Variants in NSD1 observed in about 807,000 individuals in gnomAD.
NSD1 encodes the protein histone-lysine N-methyltransferase, H3 lysine-36 specific.
NSD1 carries 26 observed loss-of-function variants against 242.7 expected under a neutral mutation model. That is an observed-to-expected ratio of 0.11 (90% CI 0.08 to 0.15). The LOEUF (loss-of-function observed/expected upper bound fraction) is 0.15. Ranked by LOEUF, NSD1 falls within the 10% of genes least tolerant of loss-of-function variation. The probability of loss-of-function intolerance (pLI) is 1.00; values close to 1 mark genes in which losing one functional copy is unlikely to be tolerated. For synonymous variants in NSD1, 1,106 were observed against 1,178.1 expected, an observed-to-expected ratio of 0.94 and a Z score of 1.25; for missense variants, 2,495 against 3,272.8, an observed-to-expected ratio of 0.76 and a Z score of 5.80.
intron 17 of NSD1, among the ~76,000 whole-genome samples, chr5:177,276,562 G>A (rs1471956704): frequency 6.6e-6 from 1 of 152,110 alleles, no homozygotes; most frequent in African/African-American, 2.4e-5. Context: ...CTGACCTCAG[G>A]TGATCTGCCC....
intron 11 of NSD1, 146 bp from the exon 12 acceptor site, chr5:177,251,584 T>A: frequency 1.3e-6 from 1 of 742,282 alleles, no homozygotes; most frequent in Non-Finnish European, 2.2e-6. Flanking sequence ...GTAACTAGAC[T>A]AAAATCTACA....
Position 177,199,023 on chromosome 5 carries a change from T to C in NSD1, c.1064-5097T>C, listed in dbSNP as rs192774021. On this transcript the variant is annotated intron_variant, in intron 3 of 22. Transcript: ENST00000439151. ...AGTAGGTCCCCAATTTGAGTTAGAA[T>C]TTTTCGACCTTACAATGGTGCGAAA... Among the ~76,000 whole-genome samples the C allele has an allele frequency of 3.2e-3, 488 of 152,328 alleles. 3 individuals are homozygous for C. The highest frequency in any genetic ancestry group is 0.011 in the African/African-American group (454 of 41,586).
intron 14 of NSD1, among the ~76,000 whole-genome samples, chr5:177,261,022 A>G (rs1407422797): frequency 6.6e-6 from 1 of 152,192 alleles, no homozygotes; most frequent in Non-Finnish European, 1.5e-5. Context: ...TAAGAATATT[A>G]GTTCTTAAGA....
At position 177,210,801 on chromosome 5, in the gene NSD1, C is replaced by T. The variant is rs1464918468; in HGVS notation, c.2402C>T (p.Ala801Val). ...KCKHKENPVMAEPPVINEECS... is the reference protein window; with the variant it reads ...KCKHKENPVMVEPPVINEECS... ...AAACACAAAGAAAATCCAGTTATGG[C>T]AGAACCCCCAGTTATAAATGAGGAG... The change falls in exon 5 of 23, where the codon GCA (alanine) becomes GTA (valine). Residue 801 changes from alanine to valine, a missense_variant. Physicochemically the swap from Ala to Val is moderately conservative, Grantham distance 64. This residue lies in a region of NSD1 where 515 missense variants were observed against 467.0 expected (regional missense o/e 1.10). Coordinates refer to ENST00000439151, the MANE Select transcript of NSD1 (RefSeq NM_022455.5). The T allele has an allele frequency of 1.9e-6, 3 of 1,614,150 alleles. No individual in the cohort carries two copies. The highest frequency in any genetic ancestry group is 2.5e-6 in the Non-Finnish European group (3 of 1,180,006).
At chr5:177,241,342 CAA>C (rs755867773) in intron 8 of NSD1, among the ~76,000 whole-genome samples, 33 of 128,822 alleles carry the variant, frequency 2.6e-4, no homozygotes, top group Non-Finnish European at 3.5e-4. Context: ...ACTAATAATA[CAA>C]AAAAAAAAAA....
chr5:177,211,841 C>T lies in NSD1; in HGVS notation c.3442C>T (p.Leu1148Phe), dbSNP rs1418756267. The T allele has an allele frequency of 1.2e-6, 2 of 1,614,088 alleles. No individual in the cohort carries two copies. The highest frequency in any genetic ancestry group is 1.7e-6 in the Non-Finnish European group (2 of 1,180,010). The stretch of plus-strand genomic sequence containing the variant: ...TGTAATGAACAGTGAGAATGATGAA[C>T]TCAATGGTGTAAATCAAGTGGTGCC... The part of the protein sequence containing the change: ...DSVMNSENDE[L>F]NGVNQVVPKK... Residue 1148 changes from leucine (L) to phenylalanine (F), a missense_variant, in exon 5 of 23, where the codon CTC (leucine) becomes TTC (phenylalanine). Physicochemically the swap from Leu to Phe is conservative, Grantham distance 22. Coordinates refer to ENST00000439151, the MANE Select transcript of NSD1 (RefSeq NM_022455.5).
rs148585227 is a variant in NSD1 at position 177,294,163 on chromosome 5, C to T, written c.6795C>T (p.Ser2265=). 1.9e-4 allele frequency: 305 copies of T among 1,613,668 alleles called. No individual in the cohort carries two copies. The highest frequency in any genetic ancestry group is 2.4e-4 in the Non-Finnish European group (286 of 1,179,912). The change falls in exon 23 of 23, where the codon TCC becomes TCT. Residue 2265 remains serine, a synonymous_variant. Transcript: ENST00000439151. Reference sequence around the variant, plus strand: ...ACACCAACCAGATGCTGTCGCTCTCCAAAAAAGCTCTGGCAGGGACTTGTC... The same window carrying T: ...ACACCAACCAGATGCTGTCGCTCTCTAAAAAAGCTCTGGCAGGGACTTGTC... The part of the protein sequence containing the change: ...PADTNQMLSL[S]KKALAGTCQR...
rs1581430053 is a variant in NSD1 at position 177,246,727 on chromosome 5, T to A, written c.4428T>A (p.His1476Gln). Residue 1476 changes from histidine (H) to glutamine (Q), a missense_variant, in exon 10 of 23, where the codon CAT becomes CAA. Around this residue, in one of 19 missense-constraint regions of NSD1, gnomAD observed 97 missense variants for 97.7 expected, o/e 0.99. Transcript: ENST00000439151. ...CAAGGAAGCGAAAACGACAGAGGCA[T>A]GCTGCAGCCAAGATGCAGTGTAAAA... The part of the protein sequence containing the change: ...DKPRKRKRQR[H>Q]AAAKMQCKKV... 6.2e-7 allele frequency: 1 copy of A among 1,614,160 alleles called. No homozygotes were observed.
rs530934556 is a variant in NSD1, at chr5:177,210,406, C to T, written c.2007C>T (p.Phe669=). Residue 669 remains phenylalanine (F), a synonymous_variant, in exon 5 of 23, where the codon TTC becomes TTT. Coordinates refer to ENST00000439151, the MANE Select transcript of NSD1 (RefSeq NM_022455.5). ...GTGTCCTTGAAATTCCAGATGCTTT[C>T]GATAGAACAGAGAACATGTTATCTA... ...DNSVLEIPDA[F]DRTENMLSMQ... is the part of the protein sequence containing the mutation. 56 of 1,613,928 alleles carry T rather than the reference C, an allele frequency of 3.5e-5. No homozygotes were observed. In the South Asian group the frequency reaches 4.0e-4, roughly 11 times the overall value.
intron 3 of NSD1, among the ~76,000 whole-genome samples, chr5:177,192,584 C>G (rs1284374671): frequency 1.3e-5 from 2 of 152,070 alleles, no homozygotes; most frequent in Non-Finnish European, 2.9e-5. Flanking sequence ...TTAGTAGAAA[C>G]GGGGTTTCTC....
chr5:177,256,614 G>A (rs1431925693), intron 12 of NSD1, among the ~76,000 whole-genome samples: 2 of 152,138 alleles, frequency 1.3e-5, no homozygotes, highest in African/African-American at 2.4e-5. Context: ...CCTCCTGGAG[G>A]TATCCCCTTA....
chr5:177,162,610 G>A (rs1239009470), intron 2 of NSD1, among the ~76,000 whole-genome samples: 3 of 152,074 alleles, frequency 2.0e-5, no homozygotes, highest in Non-Finnish European at 2.9e-5. Context: ...TCAAACTTGT[G>A]AGCTCAAGCG....
At chr5:177,158,202 G>A (rs577238657) in intron 2 of NSD1, among the ~76,000 whole-genome samples, 4 of 151,974 alleles carry the variant, frequency 2.6e-5, no homozygotes, top group East Asian at 1.9e-4. Flanking sequence ...TGGTTGCACC[G>A]TTTTACAGTC....
intron 3 of NSD1, among the ~76,000 whole-genome samples, chr5:177,192,904 G>A (rs896987256): frequency 3.3e-5 from 5 of 152,080 alleles, no homozygotes; most frequent in South Asian, 2.1e-4. Flanking sequence ...TACATTGTCC[G>A]GAATCACCTT....
chr5:177,206,349 G>A (rs1762868620), intron 4 of NSD1, among the ~76,000 whole-genome samples: 1 of 151,936 alleles, frequency 6.6e-6, no homozygotes, highest in African/African-American at 2.4e-5. Flanking sequence ...TTGCCATGTT[G>A]CCCAGGCTGG....
At chr5:177,289,290 T>C (rs1167927849) in intron 21 of NSD1, among the ~76,000 whole-genome samples, 2 of 151,610 alleles carry the variant, frequency 1.3e-5, no homozygotes, top group South Asian at 2.1e-4. Context: ...CACTGCACTC[T>C]AGCCTGGGCA....
chr5:177,143,916 G>T (rs140601553), intron 2 of NSD1, among the ~76,000 whole-genome samples: 103 of 151,248 alleles, frequency 6.8e-4, no homozygotes, highest in Middle Eastern at 6.8e-3. Context: ...CTCCCAAGTA[G>T]CTTGGATTAT....
At chr5:177,158,245 CTTTCTTT>C (rs1758306731) in intron 2 of NSD1, among the ~76,000 whole-genome samples, 1 of 53,272 alleles carries the variant, frequency 1.9e-5, no homozygotes, top group Non-Finnish European at 3.9e-5. Context: ...TAATTTCTTT[CTTTCTTT>C]CTTTCTTTCT....
Position 177,294,802 on chromosome 5 carries a change from G to A in NSD1, c.7434G>A (p.Gln2478=), listed in dbSNP as rs1374614468. The change falls in exon 23 of 23, where the codon CAG becomes CAA. Residue 2478 remains glutamine, a synonymous_variant. Coordinates refer to ENST00000439151, the MANE Select transcript of NSD1 (RefSeq NM_022455.5). ...RAASPHQVTP[Q]ADEKMPVLES... Reference sequence around the variant, plus strand: ...CTTCACCTCATCAGGTCACACCACAGGCTGATGAGAAGATGCCAGTGTTGG... The same window carrying A: ...CTTCACCTCATCAGGTCACACCACAAGCTGATGAGAAGATGCCAGTGTTGG... The A allele has an allele frequency of 1.2e-6, 2 of 1,613,086 alleles. No individual in the cohort carries two copies. Among genetic ancestry groups the A allele is most frequent in the Non-Finnish European group, 1.7e-6 (2 of 1,180,056 alleles).
Sources: gnomAD v4.1 joint callset for allele counts (sites outside exome capture counted in the v4.1 genomes callset) on GRCh38, gnomAD v4.1.1 for gene constraint, gnomAD v4.1.1 regional missense constraint, MANE v1.5 for transcripts, NCBI Gene and HGNC (gene_info 2026-07-23, HGNC 2026-07-21) for gene names.